Variants in GRM8 observed in about 807,000 individuals in gnomAD.
The protein encoded by GRM8 is metabotropic glutamate receptor 8.
In GRM8, 47 loss-of-function variants were observed where a neutral mutation model predicts 87.2. The ratio of observed to expected loss-of-function variants is 0.54; its 90% CI spans 0.43 to 0.69. GRM8 has a LOEUF of 0.69. Among genes scored for constraint, GRM8 ranks in the 30% least tolerant of loss-of-function variants. The probability of loss-of-function intolerance (pLI) is 0.00; values close to 1 mark genes in which losing one functional copy is unlikely to be tolerated. For synonymous variants in GRM8, 396 were observed against 404.5 expected, an observed-to-expected ratio of 0.98 and a Z score of 0.25; for missense variants, 1,019 against 1,139.2, an observed-to-expected ratio of 0.89 and a Z score of 1.52.
intron 6 of GRM8, among the ~76,000 whole-genome samples, chr7:126,899,040 T>C (rs1294836927): frequency 6.7e-6 from 1 of 149,790 alleles, no homozygotes; most frequent in Non-Finnish European, 1.5e-5. Context: ...AGAAAGAAAA[T>C]ATGAGTTTGG....
At chr7:126,499,404 A>C (rs796072408) in intron 9 of GRM8, among the ~76,000 whole-genome samples, 8 of 143,994 alleles carry the variant, frequency 5.6e-5, no homozygotes, top group African/African-American at 2.0e-4. Flanking sequence ...AATAGTATAG[A>C]GGTTCCTCCA....
In GRM8 at chr7:126,904,634, A is replaced by T. The variant is rs1266168212; in HGVS notation, c.777T>A (p.Pro259=). 1.2e-6 allele frequency: 2 copies of T among 1,613,498 alleles called. No homozygotes were observed. The highest frequency in any genetic ancestry group is 3.3e-5 in the Admixed American group (2 of 59,982). Residue 259 remains proline (P), a synonymous_variant, in exon 4 of 11, where the codon CCT becomes CCA. Transcript: ENST00000339582. ...QSQKIPREPR[P]GEFEKIIKRL... The stretch of plus-strand genomic sequence containing the variant: ...GTTTGATAATTTTTTCAAATTCTCC[A>T]GGTCTTGGTTCACGTGGGATTTTCT...
chr7:127,226,144 ATTCATTGTCTC>A (rs1386373868), intron 2 of GRM8, among the ~76,000 whole-genome samples: 14 of 152,298 alleles, frequency 9.2e-5, no homozygotes, highest in Non-Finnish European at 1.3e-4. Context: ...AGGAGCTTTG[ATTCATTGTCTC>A]TTTTCAAATT....
intron 2 of GRM8, among the ~76,000 whole-genome samples, chr7:127,172,392 T>C (rs1407972173): frequency 1.3e-5 from 2 of 152,108 alleles, no homozygotes; most frequent in African/African-American, 2.4e-5. Context: ...TAATTATATA[T>C]ATGAAGTCCA....
At position 126,533,882 on chromosome 7, in the gene GRM8, T is replaced by C. The variant is rs763653584; in HGVS notation, c.1500A>G (p.Glu500=). The change falls in exon 9 of 11, where the codon GAA becomes GAG. Residue 500 remains glutamate (E), a synonymous_variant. Transcript: ENST00000339582. ...GTTCTCTATGAGCCCACTGCATGTC[T>C]TCCACCTGTGGGTATAAAAAATTAA... ...HWTNQLHLKV[E]DMQWAHREHT... is the part of the protein sequence containing the mutation. 15 of 1,608,196 alleles carry C rather than the reference T, an allele frequency of 9.3e-6. No homozygotes were observed. In the South Asian group the frequency reaches 1.7e-4, roughly 18 times the overall value.
chr7:126,755,071 C>CCCG (rs1816850246), intron 7 of GRM8, among the ~76,000 whole-genome samples: 1 of 151,930 alleles, frequency 6.6e-6, no homozygotes, highest in South Asian at 2.1e-4. Flanking sequence ...TAGTGCAAAA[C>CCCG]TGATGAAGCA....
intron 2 of GRM8, among the ~76,000 whole-genome samples, chr7:127,141,545 A>C (rs1246896120): frequency 6.6e-6 from 1 of 152,204 alleles, no homozygotes; most frequent in African/African-American, 2.4e-5. Flanking sequence ...ATATTTTCTC[A>C]GGAAATGAAA....
intron 6 of GRM8, among the ~76,000 whole-genome samples, chr7:126,880,636 A>T (rs186109072): frequency 1.9e-4 from 29 of 152,380 alleles, no homozygotes; most frequent in Middle Eastern, 3.4e-3. Flanking sequence ...AAGCAAATGC[A>T]TCACATGGGC....
At chr7:126,670,516 GTAAC>G (rs1412473603) in intron 7 of GRM8, among the ~76,000 whole-genome samples, 1 of 152,154 alleles carries the variant, frequency 6.6e-6, no homozygotes, top group Non-Finnish European at 1.5e-5. Context: ...GTGTCTAACT[GTAAC>G]TACCCTGGAC....
At chr7:127,028,771 C>A (rs1202801356) in intron 3 of GRM8, among the ~76,000 whole-genome samples, 5 of 151,932 alleles carry the variant, frequency 3.3e-5, no homozygotes, top group African/African-American at 1.2e-4. Flanking sequence ...TTGATCTTTT[C>A]AAAAACCCAC....
At chr7:126,703,581 C>T (rs951986093) in intron 7 of GRM8, among the ~76,000 whole-genome samples, 53 of 152,098 alleles carry the variant, frequency 3.5e-4, no homozygotes, top group African/African-American at 8.4e-4. Flanking sequence ...GTTTTTTATA[C>T]GAGGTCTCGT....
At chr7:126,872,317 T>C (rs1436586262) in intron 6 of GRM8, among the ~76,000 whole-genome samples, 2 of 152,142 alleles carry the variant, frequency 1.3e-5, no homozygotes, top group Non-Finnish European at 2.9e-5. Flanking sequence ...TTTGAGAAGC[T>C]GGAGGACACA....
At chr7:126,980,163 G>A (rs976666283) in intron 3 of GRM8, among the ~76,000 whole-genome samples, 4 of 152,158 alleles carry the variant, frequency 2.6e-5, no homozygotes, top group African/African-American at 9.7e-5. Flanking sequence ...GAGTATGCAA[G>A]GGTTTATTCA....
intron 9 of GRM8, among the ~76,000 whole-genome samples, chr7:126,452,100 A>G (rs1418387344): frequency 2.0e-5 from 3 of 151,762 alleles, no homozygotes; most frequent in African/African-American, 7.3e-5. Flanking sequence ...AATACTATGC[A>G]GCCATAAAAA....
chr7:127,146,973 A>C (rs1353425939), intron 2 of GRM8, among the ~76,000 whole-genome samples: 2 of 152,090 alleles, frequency 1.3e-5, no homozygotes, highest in Admixed American at 1.3e-4. Flanking sequence ...CTAATCACCT[A>C]AAACCACTGT....
At chr7:127,222,904 A>G (rs2116728947) in intron 2 of GRM8, among the ~76,000 whole-genome samples, 1 of 152,282 alleles carries the variant, frequency 6.6e-6, no homozygotes, top group East Asian at 1.9e-4. Context: ...CCAGTGCTTG[A>G]GACTGGTTCT....
intron 3 of GRM8, among the ~76,000 whole-genome samples, chr7:127,073,777 T>C (rs187232875): frequency 3.5e-4 from 54 of 152,246 alleles, no homozygotes; most frequent in Non-Finnish European, 5.6e-4. Flanking sequence ...CCCCAGAGGA[T>C]CCTCTAGATT....
Position 126,441,136 on chromosome 7 carries a change from T to C in GRM8, c.2678-1968A>G, listed in dbSNP as rs75660793. ...ATTATAATTAGCTGTCCTATGAGAA[T>C]GAATACCTCTTCCACTTAAAAATAC... On this transcript the variant is annotated intron_variant, in intron 10 of 10. Transcript: ENST00000339582. Among the ~76,000 whole-genome samples the C allele has an allele frequency of 3.1e-3, 473 of 152,148 alleles. 3 individuals are homozygous for C. Among genetic ancestry groups the C allele is most frequent in the African/African-American group, 0.011 (449 of 41,548 alleles).
At chr7:126,757,608 G>A (rs1817154238) in intron 7 of GRM8, among the ~76,000 whole-genome samples, 1 of 152,108 alleles carries the variant, frequency 6.6e-6, no homozygotes, top group Admixed American at 6.6e-5. Context: ...GTTCTGTCAT[G>A]CAGAATCCAC....
Sources: allele counts gnomAD v4.1 joint callset (sites outside exome capture counted in the v4.1 genomes callset), GRCh38; gene constraint gnomAD v4.1.1; transcripts MANE v1.5; gene names NCBI Gene and HGNC (gene_info 2026-07-23, HGNC 2026-07-21).